The following GABBR2 variants were observed in gnomAD, a reference collection of about 807,000 sequenced individuals.
GABBR2 encodes the protein G-protein coupled receptor 51.
GABBR2 carries 23 observed loss-of-function variants against 105.6 expected under a neutral mutation model. That is an observed-to-expected ratio of 0.22 (90% CI 0.16 to 0.31). GABBR2 has a LOEUF of 0.31. GABBR2 is among the 10% of genes least tolerant of loss of function. The pLI, the probability that GABBR2 is intolerant of heterozygous loss-of-function variation, is 1.00. For missense variants in GABBR2, 734 were observed against 1,245.5 expected (o/e 0.59, Z 6.18); for synonymous variants, 478 against 499.7 (o/e 0.96, Z 0.58).
intron 13 of GABBR2, among the ~76,000 whole-genome samples, chr9:98,323,855 G>A (rs1830869076): frequency 6.6e-6 from 1 of 152,208 alleles, no homozygotes; most frequent in South Asian, 2.1e-4. Flanking sequence ...ATGGAGAGGT[G>A]ACAGAACTAG....
At chr9:98,530,848 G>A (rs1828054589) in intron 3 of GABBR2, among the ~76,000 whole-genome samples, 1 of 152,088 alleles carries the variant, frequency 6.6e-6, no homozygotes, top group African/African-American at 2.4e-5. Context: ...CACACAGTAG[G>A]TTCTCAATAA....
At chr9:98,671,147 C>T (rs1486946175) in intron 1 of GABBR2, among the ~76,000 whole-genome samples, 1 of 149,418 alleles carries the variant, frequency 6.7e-6, no homozygotes, top group African/African-American at 2.4e-5. Context: ...CCACTGCCAC[C>T]CCCCCGCCCC....
At chr9:98,350,221 A>AT (rs138640843) in intron 13 of GABBR2, among the ~76,000 whole-genome samples, 3,908 of 144,542 alleles carry the variant, frequency 0.027, 164 homozygotes, top group African/African-American at 0.095. Context: ...CATCCTTTGT[A>AT]TTTTTTTAGC....
At chr9:98,362,603 T>A in intron 13 of GABBR2, 112 bp downstream of exon 13, 6 of 769,640 alleles carry the variant, frequency 7.8e-6, no homozygotes, top group East Asian at 3.1e-5. Flanking sequence ...ATGGAACTGA[T>A]GAAGTGTTCC....
At chr9:98,351,730 A>C (rs1831402439) in intron 13 of GABBR2, among the ~76,000 whole-genome samples, 1 of 152,036 alleles carries the variant, frequency 6.6e-6, no homozygotes, top group Admixed American at 6.5e-5. Context: ...AGTTTTCCCA[A>C]CTTCTTTGTG....
At chr9:98,385,213 T>A (rs966954985) in intron 11 of GABBR2, among the ~76,000 whole-genome samples, 6 of 152,198 alleles carry the variant, frequency 3.9e-5, no homozygotes, top group Non-Finnish European at 8.8e-5. Flanking sequence ...GTCCAGTATC[T>A]TTATTTCCGA....
rs2131445528 is a variant in GABBR2, at chr9:98,362,843, G to A, written c.1771-6C>T. On this transcript the variant is annotated splice_region_variant and splice_polypyrimidine_tract_variant and intron_variant, in intron 12 of 18. Coordinates refer to ENST00000259455, the MANE Select transcript of GABBR2 (RefSeq NM_005458.8). ...AGTTTCTGGTCCTTGATGATCTACAGAGCGGGAAGGAGCAGAGGGGAGCCG... is the reference window on the plus strand; with the variant it reads ...AGTTTCTGGTCCTTGATGATCTACAAAGCGGGAAGGAGCAGAGGGGAGCCG... 6.4e-7 allele frequency: 1 copy of A among 1,565,216 alleles called. No individual in the cohort carries two copies. The highest frequency in any genetic ancestry group is 8.6e-7 in the Non-Finnish European group (1 of 1,157,988).
intron 1 of GABBR2, among the ~76,000 whole-genome samples, chr9:98,703,674 T>G (rs984813762): frequency 1.3e-5 from 2 of 152,018 alleles, no homozygotes; most frequent in Non-Finnish European, 2.9e-5. Context: ...TTATTTTATG[T>G]AGAGACAGGG....
intron 13 of GABBR2, among the ~76,000 whole-genome samples, chr9:98,313,881 C>A (rs919769380): frequency 2.0e-5 from 3 of 152,090 alleles, no homozygotes; most frequent in African/African-American, 7.2e-5. Context: ...TGGACCTGGG[C>A]TTCTGTGAGG....
Position 98,314,191 on chromosome 9 carries a change from G to T in GABBR2, c.1894-2986C>A, listed in dbSNP as rs563436043. Among the ~76,000 whole-genome samples the T allele has an allele frequency of 4.6e-5, 7 of 152,300 alleles. No homozygotes were observed. The South Asian group carries it at 1.2e-3, about 27-fold the overall frequency. ...TAAAGTCAGAGTGGCCAGGGGTAGA[G>T]ATTTCCCCTCCACTGCTACCCACCC... On this transcript the variant is annotated intron_variant, in intron 13 of 18. Transcript: ENST00000259455.
At chr9:98,565,615 A>C (rs575360293) in intron 2 of GABBR2, among the ~76,000 whole-genome samples, 1 of 152,184 alleles carries the variant, frequency 6.6e-6, no homozygotes, top group East Asian at 1.9e-4. Flanking sequence ...CAGATAGGCC[A>C]AGATGTCACC....
intron 12 of GABBR2, 63 bp from the exon 13 acceptor site, chr9:98,362,900 G>A (rs1831611875): frequency 7.1e-7 from 1 of 1,414,490 alleles, no homozygotes; most frequent in African/African-American, 1.5e-5. Context: ...GCAGCAACTG[G>A]GGGCCCAGGT....
chr9:98,380,573 C>T (rs573479588), intron 11 of GABBR2, among the ~76,000 whole-genome samples: 5 of 152,368 alleles, frequency 3.3e-5, no homozygotes, highest in East Asian at 3.9e-4. Flanking sequence ...GACAGCTCCA[C>T]GTCCACAGGG....
chr9:98,422,857 C>A (rs533667378), intron 7 of GABBR2, among the ~76,000 whole-genome samples: 1 of 149,050 alleles, frequency 6.7e-6, no homozygotes, highest in Non-Finnish European at 1.5e-5. Context: ...TGAGAACATG[C>A]GGTGTTTGGT....
chr9:98,408,511 A>C (rs1832528260), intron 7 of GABBR2, among the ~76,000 whole-genome samples: 1 of 152,218 alleles, frequency 6.6e-6, no homozygotes, highest in African/African-American at 2.4e-5. Flanking sequence ...CCTTGACAAG[A>C]CCAGGTATGA....
At chr9:98,555,998 G>A (rs1269386324) in intron 2 of GABBR2, 2 of 120,050 alleles carry the variant, frequency 1.7e-5, no homozygotes, top group African/African-American at 2.6e-5. Flanking sequence ...CTGTAGCCAT[G>A]GGAGACATGG....
chr9:98,353,073 C>T (rs939692503), intron 13 of GABBR2, among the ~76,000 whole-genome samples: 9 of 152,088 alleles, frequency 5.9e-5, no homozygotes, highest in Non-Finnish European at 1.3e-4. Context: ...CTCCAGGCAG[C>T]TCCCTATACT....
At position 98,388,660 on chromosome 9, in the gene GABBR2, T is replaced by TGTGTGTGTGTGTGC. The variant is rs1053006846; in HGVS notation, c.1529+193_1529+194insGCACACACACACAC. On this transcript the variant is annotated intron_variant, in intron 10 of 18. Transcript: ENST00000259455. The surrounding 1 kb of genome is among the most constrained non-coding windows in gnomAD (Gnocchi z 4.4). ...GTGTGTGTGTGTGTGTGTGTGTGTG[T>TGTGTGTGTGTGTGC]GCGTGCACGCACACACACGTACTCA... Among the ~76,000 whole-genome samples the TGTGTGTGTGTGTGC allele has an allele frequency of 7.1e-5, 10 of 141,708 alleles. No individual in the cohort carries two copies. The highest frequency in any genetic ancestry group is 2.8e-4 in the African/African-American group (10 of 35,926). 93.0% of individuals were successfully genotyped at this position (141,708 alleles called of 152,430 possible).
chr9:98,676,270 C>T (rs569467685), intron 1 of GABBR2, among the ~76,000 whole-genome samples: 6 of 152,224 alleles, frequency 3.9e-5, no homozygotes, highest in Non-Finnish European at 8.8e-5. Flanking sequence ...GAAATGAATT[C>T]TCCCTTCAGA....
Sources: gnomAD v4.1 joint callset for allele counts (sites outside exome capture counted in the v4.1 genomes callset) on GRCh38, gnomAD v4.1.1 for gene constraint, Gnocchi (gnomAD v3.1) non-coding constraint, MANE v1.5 for transcripts, NCBI Gene and HGNC (gene_info 2026-07-23, HGNC 2026-07-21) for gene names.